The following DLG2 variants were observed in gnomAD, a reference collection of about 807,000 sequenced individuals.
The protein encoded by DLG2 is disks large homolog 2.
DLG2 carries 45 observed loss-of-function variants against 132.5 expected under a neutral mutation model. The observed-to-expected ratio is 0.34, with a 90% confidence interval of 0.27 to 0.44. The LOEUF (loss-of-function observed/expected upper bound fraction) is 0.44, where lower values mean the gene tolerates loss of function less well. Ranked by LOEUF, DLG2 falls within the 20% of genes least tolerant of loss-of-function variation. The probability of loss-of-function intolerance (pLI) is 1.00; values close to 1 mark genes in which losing one functional copy is unlikely to be tolerated. For synonymous variants in DLG2, 424 were observed against 419.6 expected, an observed-to-expected ratio of 1.01 and a Z score of -0.13; for missense variants, 1,045 against 1,196.9, an observed-to-expected ratio of 0.87 and a Z score of 1.87.
At chr11:84,069,341 C>T (rs2096723082) in intron 10 of DLG2, among the ~76,000 whole-genome samples, 1 of 152,176 alleles carries the variant, frequency 6.6e-6, no homozygotes, top group Non-Finnish European at 1.5e-5. Flanking sequence ...GCTCTGACTC[C>T]AAACCCAACC....
chr11:85,357,886 AATCT>A (rs1336814040), intron 3 of DLG2, among the ~76,000 whole-genome samples: 2 of 151,408 alleles, frequency 1.3e-5, no homozygotes, highest in African/African-American at 4.9e-5. Flanking sequence ...CAGGAAGGAT[AATCT>A]ATCATCACAA....
intron 4 of DLG2, among the ~76,000 whole-genome samples, chr11:85,275,439 A>G (rs2077828825): frequency 6.6e-6 from 1 of 152,178 alleles, no homozygotes; most frequent in Non-Finnish European, 1.5e-5. Context: ...CTGCATACTT[A>G]CAAATCTGTC....
rs1595623089 is a variant in DLG2 at position 84,680,582 on chromosome 11, A to G, written c.358-145851T>C. On this transcript the variant is annotated intron_variant, in intron 6 of 27. Transcript: ENST00000376104. ...TTTCTTCACTTAAAACCTTTCCCAA[A>G]TATTTGTCTAAAAATTTAGCTAATC... is the stretch of plus-strand genomic sequence containing the variant. Among the ~76,000 whole-genome samples, 3 of 152,180 alleles carry G rather than the reference A, an allele frequency of 2.0e-5. No individual in the cohort carries two copies. In the South Asian group the frequency reaches 6.2e-4, roughly 32 times the overall value.
chr11:85,548,835 TC>T (rs1182543878), intron 3 of DLG2, among the ~76,000 whole-genome samples: 2 of 152,004 alleles, frequency 1.3e-5, no homozygotes, highest in East Asian at 1.9e-4. Context: ...TGGATGCCCT[TC>T]CCCCCACCAA....
chr11:84,137,117 G>A (rs2094631919), intron 9 of DLG2, among the ~76,000 whole-genome samples: 1 of 152,152 alleles, frequency 6.6e-6, no homozygotes, highest in African/African-American at 2.4e-5. Context: ...CTACAACTGT[G>A]TAGGTTGTGG....
intron 18 of DLG2, among the ~76,000 whole-genome samples, chr11:83,735,461 T>C (rs947358429): frequency 6.6e-6 from 1 of 152,186 alleles, no homozygotes; most frequent in African/African-American, 2.4e-5. Context: ...GTCATAGTTG[T>C]TAAATCCTAC....
chr11:85,314,167 T>C (rs1465185773), intron 3 of DLG2, among the ~76,000 whole-genome samples: 2 of 151,980 alleles, frequency 1.3e-5, no homozygotes, highest in Non-Finnish European at 2.9e-5. Flanking sequence ...ACATGACAGC[T>C]ACAAAACTGG....
At chr11:84,559,137 A>G (rs924489533) in intron 6 of DLG2, among the ~76,000 whole-genome samples, 3 of 152,188 alleles carry the variant, frequency 2.0e-5, no homozygotes, top group Non-Finnish European at 4.4e-5. Context: ...TATGAAGGCA[A>G]ATATTTAATT....
chr11:85,596,862 A>C (rs1460275634), intron 3 of DLG2, among the ~76,000 whole-genome samples: 2 of 152,276 alleles, frequency 1.3e-5, no homozygotes, highest in African/African-American at 2.4e-5. Context: ...ATTACTAATC[A>C]GTACATAGGT....
chr11:83,872,358 G>A (rs2063634704), intron 16 of DLG2, among the ~76,000 whole-genome samples: 1 of 152,150 alleles, frequency 6.6e-6, no homozygotes, highest in African/African-American at 2.4e-5. Flanking sequence ...ACAAATGGTA[G>A]AGGCCAGGAC....
At chr11:84,778,904 C>T (rs1035597915) in intron 6 of DLG2, among the ~76,000 whole-genome samples, 1 of 152,184 alleles carries the variant, frequency 6.6e-6, no homozygotes, top group East Asian at 1.9e-4. Flanking sequence ...TCCCGCCTTT[C>T]TATTTCTCCT....
chr11:84,030,544 A>G (rs2095663158), intron 11 of DLG2, among the ~76,000 whole-genome samples: 1 of 152,170 alleles, frequency 6.6e-6, no homozygotes, highest in Admixed American at 6.6e-5. Flanking sequence ...CCTTTGGAAA[A>G]CATTGAATTA....
chr11:84,419,904 C>G (rs536075600), intron 7 of DLG2, among the ~76,000 whole-genome samples: 5 of 152,336 alleles, frequency 3.3e-5, no homozygotes, highest in African/African-American at 4.8e-5. Flanking sequence ...GAAGAATCAA[C>G]TACCTCTTTT....
rs543472410 is a variant in DLG2, at chr11:83,584,166, T to C, written c.1941-42308A>G. Among the ~76,000 whole-genome samples the C allele has an allele frequency of 9.0e-4, 137 of 152,284 alleles. 1 individual carries two copies. The South Asian group carries it at 9.1e-3, about 10-fold the overall frequency. ...ATTATAGACTTTTGTACTGAGTCAC[T>C]TGTCTGAGTATTAGAGTCACAATGA... On this transcript the variant is annotated intron_variant, in intron 19 of 27. Coordinates refer to ENST00000376104, the MANE Select transcript of DLG2 (RefSeq NM_001142699.3).
chr11:84,794,398 T>C lies in DLG2; in HGVS notation c.358-259667A>G, dbSNP rs1382547689. On this transcript the variant is annotated intron_variant, in intron 6 of 27. Transcript: ENST00000376104. The stretch of plus-strand genomic sequence containing the variant: ...GGTACAGCTGGGGCTGTGTACTCCA[T>C]GGAGCCAGTGGGAGCTGGGAACAGG... Among the ~76,000 whole-genome samples, 4 of 152,188 alleles carry C rather than the reference T, an allele frequency of 2.6e-5. No individual in the cohort carries two copies. In the South Asian group the frequency reaches 8.3e-4, roughly 31 times the overall value.
intron 4 of DLG2, among the ~76,000 whole-genome samples, chr11:85,201,900 A>T (rs1354110798): frequency 6.6e-6 from 1 of 151,466 alleles, no homozygotes; most frequent in Non-Finnish European, 1.5e-5. Context: ...GATAAATCAA[A>T]ATAATAAAAA....
intron 7 of DLG2, among the ~76,000 whole-genome samples, chr11:84,453,584 T>C (rs1021270924): frequency 1.7e-4 from 26 of 151,690 alleles, no homozygotes; most frequent in Non-Finnish European, 3.5e-4. Flanking sequence ...GTGGTTAAGA[T>C]GACTACCAAA....
intron 16 of DLG2, among the ~76,000 whole-genome samples, chr11:83,842,411 T>C (rs1249049828): frequency 1.3e-5 from 2 of 148,436 alleles, no homozygotes; most frequent in Non-Finnish European, 3.0e-5. Context: ...CTGGCCAACA[T>C]GGTGAAACCC....
intron 8 of DLG2, among the ~76,000 whole-genome samples, chr11:84,198,096 T>C (rs1187782809): frequency 1.3e-5 from 2 of 152,186 alleles, no homozygotes; most frequent in African/African-American, 4.8e-5. Flanking sequence ...TCTGTATAAA[T>C]ACAGGTATAG....
Sources: allele counts gnomAD v4.1 joint callset (sites outside exome capture counted in the v4.1 genomes callset), GRCh38; gene constraint gnomAD v4.1.1; transcripts MANE v1.5; gene names NCBI Gene and HGNC (gene_info 2026-07-23, HGNC 2026-07-21).